The following TUBGCP5 variants were observed in gnomAD, a reference collection of about 807,000 sequenced individuals.
TUBGCP5 encodes tubulin gamma complex component 5, also known as gamma-tubulin complex component 5.
A neutral mutation model predicts 134.7 loss-of-function variants in TUBGCP5; 98 were observed. That is an observed-to-expected ratio of 0.73 (90% CI 0.62 to 0.86). The LOEUF is 0.86. TUBGCP5 is among the 40% of genes least tolerant of loss of function. The pLI, the probability that TUBGCP5 is intolerant of heterozygous loss-of-function variation, is 0.00. For missense variants in TUBGCP5, 1,150 were observed against 1,244.8 expected (o/e 0.92, Z 1.15); for synonymous variants, 456 against 431.4 (o/e 1.06, Z -0.71).
chr15:23,032,320 G>A (rs547583985), intron 4 of TUBGCP5, among the ~76,000 whole-genome samples: 5 of 152,178 alleles, frequency 3.3e-5, no homozygotes, highest in South Asian at 2.1e-4. Flanking sequence ...ACCACCCTCC[G>A]CAATGCTCAA....
chr15:23,010,407 T>C (rs111913960), intron 14 of TUBGCP5, among the ~76,000 whole-genome samples: 2 of 152,280 alleles, frequency 1.3e-5, no homozygotes, highest in African/African-American at 4.8e-5. Flanking sequence ...GTGTGGGTAT[T>C]AATGACTTAC....
At chr15:23,020,786 T>A (rs2065639545) in intron 11 of TUBGCP5, among the ~76,000 whole-genome samples, 1 of 152,166 alleles carries the variant, frequency 6.6e-6, no homozygotes, top group South Asian at 2.1e-4. Context: ...TTACCCAAGC[T>A]GGAGTGCAGT....
At chr15:22,996,944 GC>G (rs1166806344), downstream of TUBGCP5, 1 of 151,724 alleles carries the variant, frequency 6.6e-6, no homozygotes, top group East Asian at 1.9e-4. Context: ...TCCAGCATGG[GC>G]AACAAAGCAA....
chr15:23,022,358 C>T (rs368664633), intron 10 of TUBGCP5, among the ~76,000 whole-genome samples, 197 bp from the exon 11 acceptor site: 2 of 152,118 alleles, frequency 1.3e-5, no homozygotes, highest in South Asian at 4.2e-4. Flanking sequence ...GACAACTCAG[C>T]AGAAAAATAA....
chr15:23,032,970 C>T, intron 3 of TUBGCP5, 146 bp from the exon 4 acceptor site: 3 of 501,128 alleles, frequency 6.0e-6, no homozygotes, highest in Middle Eastern at 5.3e-4. Flanking sequence ...TAATCCTTAA[C>T]CTTCAAACTT....
At chr15:23,010,583 T>G in intron 14 of TUBGCP5, among the ~76,000 whole-genome samples, 1 of 152,150 alleles carries the variant, frequency 6.6e-6, no homozygotes, top group Non-Finnish European at 1.5e-5. Flanking sequence ...ACAAAAGTTG[T>G]ACCACATGGT....
At chr15:23,004,410 T>C in intron 19 of TUBGCP5, 183 bp from the exon 20 acceptor site, 1 of 678,944 alleles carries the variant, frequency 1.5e-6, no homozygotes, top group Non-Finnish European at 2.3e-6. Context: ...GTTCTGATCC[T>C]AAGAGGACGG....
chr15:23,003,893 TCTGC>T (rs1273862126), intron 20 of TUBGCP5, among the ~76,000 whole-genome samples: 1 of 152,126 alleles, frequency 6.6e-6, no homozygotes, highest in Non-Finnish European at 1.5e-5. Context: ...CCTCATAAGA[TCTGC>T]CTGCCTCAGT....
In TUBGCP5 at chr15:23,024,273, A is replaced by G. The variant is rs895599674; in HGVS notation, c.922-80T>C. 1.5e-5 allele frequency: 22 copies of G among 1,515,482 alleles called. No individual in the cohort carries two copies. The South Asian group carries it at 1.9e-4, about 13-fold the overall frequency. The allele number at this position is 1,515,482 out of a possible 1,614,324, so 93.9% of individuals were successfully genotyped here. On this transcript the variant is annotated intron_variant, in intron 9 of 22. Transcript: ENST00000615383. ...ATTCATTTCCCTCTCGCTGTAAAAT[A>G]CTTCTTTTGCAATTGTTTTAAACAG...
intron 3 of TUBGCP5, among the ~76,000 whole-genome samples, chr15:23,036,377 C>T (rs1366068882): frequency 6.6e-6 from 1 of 152,198 alleles, no homozygotes; most frequent in Non-Finnish European, 1.5e-5. Flanking sequence ...CCTAGCTTCT[C>T]CTAGACTTTG....
chr15:23,024,046 G>A lies in TUBGCP5; in HGVS notation c.1069C>T (p.Pro357Ser). The change falls in exon 10 of 23, where the codon CCC (proline) becomes TCC (serine). Residue 357 changes from proline (P) to serine (S), a missense_variant. Coordinates refer to ENST00000615383, the MANE Select transcript of TUBGCP5 (RefSeq NM_052903.6). ...ATGAAAGCCTGGTAGGTTCTAAAGG[G>A]AGCTTCAGTTGACTTCTTAGGAACA... Reference protein sequence around the residue: ...GSVPKKSTEAPFRTYQAFMWA... With the variant: ...GSVPKKSTEASFRTYQAFMWA... 6.2e-7 allele frequency: 1 copy of A among 1,614,112 alleles called. No homozygotes were observed. The highest frequency in any genetic ancestry group is 8.5e-7 in the Non-Finnish European group (1 of 1,179,998).
rs922902716 is a variant in TUBGCP5 at position 22,999,652 on chromosome 15, T to G, written c.*168A>C. 2 of 686,696 alleles carry G rather than the reference T, an allele frequency of 2.9e-6. No individual in the cohort carries two copies. The highest frequency in any genetic ancestry group is 5.1e-5 in the Admixed American group (2 of 39,170). 42.5% of individuals were successfully genotyped at this position (686,696 alleles called of 1,614,324 possible). On this transcript the variant is annotated 3_prime_UTR_variant, in exon 23 of 23. Coordinates refer to ENST00000615383, the MANE Select transcript of TUBGCP5 (RefSeq NM_052903.6). ...CTGGGCTCAAGTGATCTGCCTGTCTTGGCCTCCCATCGTGCTGGGATTAGA... is the reference window on the plus strand; with the variant it reads ...CTGGGCTCAAGTGATCTGCCTGTCTGGGCCTCCCATCGTGCTGGGATTAGA...
intron 11 of TUBGCP5, 131 bp from the exon 12 acceptor site, chr15:23,019,465 T>C: frequency 1.5e-6 from 1 of 670,616 alleles, no homozygotes; most frequent in South Asian, 1.8e-5. Flanking sequence ...ACAAAGAAAT[T>C]AAAAATCCAA....
At chr15:22,992,946 T>C (rs918413967) in intron 23 of TUBGCP5, among the ~76,000 whole-genome samples, 1 of 147,906 alleles carries the variant, frequency 6.8e-6, no homozygotes, top group Admixed American at 6.8e-5. Context: ...GAGAAAGATT[T>C]AAAAAAAAAA....
At chr15:22,998,762 G>T (rs1366309154), downstream of TUBGCP5, among the ~76,000 whole-genome samples, 3 of 151,990 alleles carry the variant, frequency 2.0e-5, no homozygotes, top group African/African-American at 7.3e-5. Flanking sequence ...TTACAGATGT[G>T]GGCCACCACA....
chr15:22,997,518 A>T (rs147570660), downstream of TUBGCP5, among the ~76,000 whole-genome samples: 2 of 151,772 alleles, frequency 1.3e-5, no homozygotes, highest in African/African-American at 4.8e-5. Flanking sequence ...TGTCTACCCC[A>T]AGTTTGTAGT....
intron 3 of TUBGCP5, among the ~76,000 whole-genome samples, chr15:23,036,288 T>C (rs1271017361): frequency 6.6e-6 from 1 of 152,148 alleles, no homozygotes; most frequent in East Asian, 1.9e-4. Context: ...ACTTTGCACA[T>C]GTTGTCATAT....
At chr15:23,005,941 A>AGCT (rs2064684248) in intron 18 of TUBGCP5, 111 bp downstream of exon 18, 2 of 877,230 alleles carry the variant, frequency 2.3e-6, no homozygotes, top group African/African-American at 6.2e-5. Flanking sequence ...AACAACCACC[A>AGCT]ACTTTTTTTT....
intron 23 of TUBGCP5, among the ~76,000 whole-genome samples, chr15:22,987,788 C>T (rs1053807518): frequency 7.5e-5 from 11 of 146,922 alleles, no homozygotes; most frequent in Non-Finnish European, 1.0e-4. Flanking sequence ...CCCAGCTACT[C>T]GGGAAGCTGA....
Sources: allele counts gnomAD v4.1 joint callset (sites outside exome capture counted in the v4.1 genomes callset), GRCh38; gene constraint gnomAD v4.1.1; transcripts MANE v1.5; gene names NCBI Gene and HGNC (gene_info 2026-07-23, HGNC 2026-07-21).